Variants in CYFIP2 observed in about 807,000 individuals in gnomAD.
CYFIP2 encodes cytoplasmic FMR1-interacting protein 2.
In CYFIP2, 29 loss-of-function variants were observed where a neutral mutation model predicts 158.7. That is an observed-to-expected ratio of 0.18 (90% CI 0.14 to 0.25). The LOEUF (loss-of-function observed/expected upper bound fraction) is 0.25. Ranked by LOEUF, CYFIP2 falls within the 10% of genes least tolerant of loss-of-function variation. The pLI, the probability that CYFIP2 is intolerant of heterozygous loss-of-function variation, is 1.00. For missense variants in CYFIP2, 852 were observed against 1,639.5 expected (o/e 0.52, Z 8.29); for synonymous variants, 585 against 617.6 (o/e 0.95, Z 0.78).
chr5:157,286,300 A>G (rs1403114261), intron 2 of CYFIP2, among the ~76,000 whole-genome samples: 1 of 151,438 alleles, frequency 6.6e-6, no homozygotes, highest in East Asian at 1.9e-4. Flanking sequence ...AATTTTTTCT[A>G]TAACTATGCG....
chr5:157,367,835 A>T (rs1457776906), intron 26 of CYFIP2, among the ~76,000 whole-genome samples: 2 of 148,982 alleles, frequency 1.3e-5, no homozygotes, highest in Non-Finnish European at 3.0e-5. Context: ...GCTCACTGTA[A>T]CCTCCGCCTC....
intron 28 of CYFIP2, among the ~76,000 whole-genome samples, chr5:157,386,323 T>G (rs368524235): frequency 6.6e-6 from 1 of 152,064 alleles, no homozygotes; most frequent in African/African-American, 2.4e-5. Flanking sequence ...GCTCAAGCAA[T>G]CTTCCTGCCT....
intron 22 of CYFIP2, among the ~76,000 whole-genome samples, 197 bp from the exon 23 acceptor site, chr5:157,340,873 A>G (rs898443158): frequency 6.6e-6 from 1 of 152,192 alleles, no homozygotes; most frequent in Non-Finnish European, 1.5e-5. Flanking sequence ...AATTTTTCCC[A>G]TCTATAGAAA....
intron 28 of CYFIP2, 110 bp downstream of exon 28, chr5:157,383,469 G>A (rs1766333936): frequency 4.0e-6 from 4 of 1,001,846 alleles, no homozygotes; most frequent in Non-Finnish European, 6.0e-6. Flanking sequence ...GAGAAGGGAA[G>A]ACAATGTCCA....
At chr5:157,360,186 AAG>A in intron 24 of CYFIP2, 94 bp from the exon 25 acceptor site, 1 of 994,780 alleles carries the variant, frequency 1.0e-6, no homozygotes, top group South Asian at 1.7e-5. Context: ...GCCTTTAGGC[AAG>A]AGCCTGCCCC....
chr5:157,269,524 C>T (rs1399225951), intron 1 of CYFIP2: 1 of 152,070 alleles, frequency 6.6e-6, no homozygotes, highest in African/African-American at 2.4e-5. Flanking sequence ...CAAAATTGAG[C>T]AATGGAAGGC....
At chr5:157,389,166 T>G (rs1581209877) in intron 28 of CYFIP2, 23 bp from the exon 29 acceptor site, 3 of 1,573,312 alleles carry the variant, frequency 1.9e-6, no homozygotes, top group Non-Finnish European at 8.7e-7. Flanking sequence ...GGATAGAAGG[T>G]GTATGTGCCC....
rs1763717515 is a variant in CYFIP2, at chr5:157,360,267, C to T, written c.2818-15C>T. The T allele has an allele frequency of 6.8e-6, 11 of 1,609,160 alleles. No homozygotes were observed. The highest frequency in any genetic ancestry group is 2.7e-5 in the African/African-American group (2 of 74,878). ...CCAGAATTCAGCCCACTCATCTGTA[C>T]TCTTCTTTTGTCAGCTCCAAGGAAC... is the stretch of plus-strand genomic sequence containing the variant. On this transcript the variant is annotated splice_polypyrimidine_tract_variant and intron_variant, in intron 24 of 30. Transcript: ENST00000620254.
In CYFIP2 at chr5:157,300,891, C is replaced by G; in HGVS notation, c.564C>G (p.Tyr188Ter). ...GCGTCAAGAATGACCACTCTGCCTA[C>G]AAGAGGTCAGGGCAACCTCCCCCTC... ...KCSVKNDHSA[Y>*]KRAAQFLRKM... Residue 188 changes from tyrosine (Y) to a stop codon, truncating the protein, a stop_gained, in exon 6 of 31, where the codon TAC becomes TAG. Transcript: ENST00000620254. LOFTEE classifies it high-confidence loss of function. 6.4e-7 allele frequency: 1 copy of G among 1,574,216 alleles called. No individual in the cohort carries two copies. Among genetic ancestry groups the G allele is most frequent in the Non-Finnish European group, 8.7e-7 (1 of 1,155,680 alleles).
chr5:157,324,649 G>A (rs952821161), intron 16 of CYFIP2: 1 of 152,196 alleles, frequency 6.6e-6, no homozygotes, highest in Non-Finnish European at 1.5e-5. Context: ...AAACTGTATG[G>A]GATCTGGCAA....
At chr5:157,363,974 C>T (rs964995340) in intron 26 of CYFIP2, 1 of 152,160 alleles carries the variant, frequency 6.6e-6, no homozygotes, top group African/African-American at 2.4e-5. Flanking sequence ...TTCTCAGACT[C>T]TCCCTGAGAG....
chr5:157,390,458 C>T, intron 29 of CYFIP2, 63 bp from the exon 30 acceptor site: 1 of 1,265,704 alleles, frequency 7.9e-7, no homozygotes, highest in Non-Finnish European at 1.1e-6. Flanking sequence ...AGATGAGGCT[C>T]CCTCCCTCCC....
chr5:157,289,918 C>T (rs937003498), intron 3 of CYFIP2, among the ~76,000 whole-genome samples: 1 of 152,122 alleles, frequency 6.6e-6, no homozygotes, highest in African/African-American at 2.4e-5. Flanking sequence ...GAATGAGTTG[C>T]AAGTAGGAAT....
chr5:157,375,419 C>A (rs1263312551), intron 26 of CYFIP2, among the ~76,000 whole-genome samples: 2 of 152,182 alleles, frequency 1.3e-5, no homozygotes, highest in African/African-American at 4.8e-5. Context: ...ATGAGGCTCT[C>A]TCAGCCTGAT....
rs1029685054 is a variant in CYFIP2 at position 157,394,587 on chromosome 5, A to G, written c.*1587A>G. 1 of 152,158 alleles carries G rather than the reference A, an allele frequency of 6.6e-6. No homozygotes were observed. Among genetic ancestry groups the G allele is most frequent in the South Asian group, 2.1e-4 (1 of 4,822 alleles). 9.4% of individuals were successfully genotyped at this position (152,158 alleles called of 1,614,324 possible). On this transcript the variant is annotated 3_prime_UTR_variant, in exon 31 of 31. Coordinates refer to ENST00000620254, the MANE Select transcript of CYFIP2 (RefSeq NM_001037333.3). ...CCCACCTCAAACCTACTAATTCTGA[A>G]TCTCTGGGAATAGGGCCAGGAAATC...
At chr5:157,304,765 T>G (rs369890) in intron 8 of CYFIP2, 120,928 of 155,374 alleles carry the variant, frequency 0.78, 47,404 homozygotes, top group East Asian at 0.99. Flanking sequence ...AGAATAAATC[T>G]TTTTTTTTAT....
rs147754059 is a variant in CYFIP2, at chr5:157,351,590, C to T, written c.2674-7415C>T. The stretch of plus-strand genomic sequence containing the variant: ...TACAACGGGAGAGACTGAAGCTCAG[C>T]GGGGCCGGCTTGGCTGCTCTCACAA... On this transcript the variant is annotated intron_variant, in intron 23 of 30. Transcript: ENST00000620254. 3.0e-3 allele frequency among the ~76,000 whole-genome samples: 450 copies of T among 151,982 alleles called. 5 individuals are homozygous for T. The highest frequency in any genetic ancestry group is 0.01 in the African/African-American group (434 of 41,528).
At chr5:157,379,055 T>G (rs1438307055) in intron 26 of CYFIP2, among the ~76,000 whole-genome samples, 1 of 152,192 alleles carries the variant, frequency 6.6e-6, no homozygotes, top group African/African-American at 2.4e-5. Flanking sequence ...CAGCCTATCC[T>G]GTTTCCAGTT....
chr5:157,378,545 TTTGGCTGCA>T (rs1463647454), intron 26 of CYFIP2, among the ~76,000 whole-genome samples: 3 of 152,228 alleles, frequency 2.0e-5, no homozygotes, highest in African/African-American at 7.2e-5. Context: ...TTCCCAAGGC[TTTGGCTGCA>T]TTGGCTGCCA....
Sources: allele counts gnomAD v4.1 joint callset (sites outside exome capture counted in the v4.1 genomes callset), GRCh38; gene constraint gnomAD v4.1.1; transcripts MANE v1.5; gene names NCBI Gene and HGNC (gene_info 2026-07-23, HGNC 2026-07-21).